The following ASIC2 variants were observed in gnomAD, a reference collection of about 807,000 sequenced individuals.
The protein encoded by ASIC2 is acid-sensing ion channel 2.
A neutral mutation model predicts 57.3 loss-of-function variants in ASIC2; 25 were observed. The observed-to-expected ratio is 0.44, with a 90% CI of 0.32 to 0.61. ASIC2 has a LOEUF of 0.61. ASIC2 is among the 20% of genes least tolerant of loss of function. The pLI is 0.06. For synonymous variants in ASIC2, 319 were observed against 307.5 expected (o/e 1.04, Z -0.39); for missense variants, 641 against 738.1 (o/e 0.87, Z 1.52).
At chr17:33,274,407 T>C (rs2142161064) in intron 1 of ASIC2, among the ~76,000 whole-genome samples, 1 of 152,332 alleles carries the variant, frequency 6.6e-6, no homozygotes, top group East Asian at 1.9e-4. Flanking sequence ...TCCTGTCTCC[T>C]AGCGTATAGT....
intron 3 of ASIC2, among the ~76,000 whole-genome samples, chr17:33,037,931 G>A (rs983346844): frequency 2.0e-5 from 3 of 152,204 alleles, no homozygotes; most frequent in African/African-American, 7.2e-5. Context: ...TGGGAAGAGA[G>A]AGAGATTCAA....
chr17:33,997,395 C>A (rs138491706), intron 1 of ASIC2, among the ~76,000 whole-genome samples: 3 of 143,756 alleles, frequency 2.1e-5, no homozygotes, highest in Non-Finnish European at 4.5e-5. Flanking sequence ...CTCAAGCGAT[C>A]GGCCAGCCTT....
intron 3 of ASIC2, among the ~76,000 whole-genome samples, chr17:33,054,689 A>G (rs372417179): frequency 5.1e-4 from 77 of 152,302 alleles, no homozygotes; most frequent in African/African-American, 1.7e-3. Context: ...TTCATTTATC[A>G]AGTAAACACA....
intron 1 of ASIC2, chr17:34,004,121 T>C (rs1906443472): frequency 6.6e-6 from 1 of 152,184 alleles, no homozygotes; most frequent in African/African-American, 2.4e-5. Flanking sequence ...TTGAGTACTT[T>C]ATCTCTTATC....
At chr17:33,130,897 G>A (rs1055078043) in intron 1 of ASIC2, among the ~76,000 whole-genome samples, 1 of 152,204 alleles carries the variant, frequency 6.6e-6, no homozygotes, top group Non-Finnish European at 1.5e-5. Context: ...AACACAGTCT[G>A]AGCCAGTGAC....
At chr17:33,347,311 G>A (rs777905404) in intron 1 of ASIC2, among the ~76,000 whole-genome samples, 15 of 152,202 alleles carry the variant, frequency 9.9e-5, no homozygotes, top group Non-Finnish European at 1.6e-4. Flanking sequence ...GATAAGGATC[G>A]TTGCTGTTGC....
intron 1 of ASIC2, among the ~76,000 whole-genome samples, chr17:33,854,792 G>T (rs1320589289): frequency 1.3e-5 from 2 of 152,068 alleles, no homozygotes; most frequent in South Asian, 4.1e-4. Context: ...GCTCCCATTT[G>T]TCATCTGCCC....
Position 33,474,656 on chromosome 17 carries a change from CT to C in ASIC2, c.556-362590del, listed in dbSNP as rs200606386. ...AGCCTGACTTTGCCCTTTCTTCCCT[CT>C]GACATTTTTGGGTGCTCCCTGTTGT... On this transcript the variant is annotated intron_variant, in intron 1 of 9. Transcript: ENST00000359872. 7.4e-3 allele frequency among the ~76,000 whole-genome samples: 1,127 copies of C among 152,304 alleles called. 9 individuals carry two copies. The highest frequency in any genetic ancestry group is 0.011 in the Non-Finnish European group (767 of 68,042).
intron 1 of ASIC2, among the ~76,000 whole-genome samples, chr17:33,525,218 C>T (rs980142417): frequency 2.6e-5 from 4 of 152,062 alleles, no homozygotes; most frequent in African/African-American, 9.7e-5. Context: ...GGCTAGACTG[C>T]GCAACACTTC....
At chr17:33,019,117 G>A (rs16578) in intron 7 of ASIC2, among the ~76,000 whole-genome samples, 32,850 of 152,024 alleles carry the variant, frequency 0.22, 4,205 homozygotes, top group East Asian at 0.4. Context: ...TAATGGATAT[G>A]TATGTCGGGG....
At chr17:33,312,853 T>C (rs1003648878) in intron 1 of ASIC2, among the ~76,000 whole-genome samples, 2 of 152,110 alleles carry the variant, frequency 1.3e-5, no homozygotes, top group Non-Finnish European at 2.9e-5. Flanking sequence ...GGAGAATCAC[T>C]TGAACCCAGG....
chr17:33,513,056 A>G (rs1417766911), intron 1 of ASIC2, among the ~76,000 whole-genome samples: 1 of 152,158 alleles, frequency 6.6e-6, no homozygotes, highest in African/African-American at 2.4e-5. Context: ...TCATTCTACA[A>G]AGTAACGGAA....
chr17:33,283,051 CA>C (rs1905021081), intron 1 of ASIC2, among the ~76,000 whole-genome samples: 1 of 152,238 alleles, frequency 6.6e-6, no homozygotes, highest in African/African-American at 2.4e-5. Context: ...GTTTGACTGA[CA>C]CCCCAGCTAG....
At chr17:33,799,402 CTT>C (rs11341947) in intron 1 of ASIC2, among the ~76,000 whole-genome samples, 11 of 60,784 alleles carry the variant, frequency 1.8e-4, no homozygotes, top group Admixed American at 1.1e-3. Context: ...TTCTTTCTTT[CTT>C]TTCTTTCTTT....
chr17:33,491,587 T>C (rs1463607716), intron 1 of ASIC2, among the ~76,000 whole-genome samples: 2 of 152,218 alleles, frequency 1.3e-5, no homozygotes, highest in African/African-American at 4.8e-5. Flanking sequence ...CATATGCAAT[T>C]ACTTTCATCG....
intron 1 of ASIC2, among the ~76,000 whole-genome samples, chr17:33,176,228 GAAAT>G (rs1905751715): frequency 6.6e-6 from 1 of 152,204 alleles, no homozygotes; most frequent in Admixed American, 6.5e-5. Context: ...AAGCTGCCTT[GAAAT>G]CTATTGCTTG....
intron 1 of ASIC2, among the ~76,000 whole-genome samples, chr17:33,960,408 T>TC (rs1904881838): frequency 6.6e-6 from 1 of 152,210 alleles, no homozygotes. Context: ...ATGGAAAGAA[T>TC]CCTGACTAAT....
At chr17:33,366,465 G>A (rs781001166) in intron 1 of ASIC2, among the ~76,000 whole-genome samples, 5 of 151,984 alleles carry the variant, frequency 3.3e-5, no homozygotes, top group Non-Finnish European at 7.4e-5. Context: ...CTCTTCTCTC[G>A]TCATATTCTC....
chr17:33,140,732 A>C (rs754714836), intron 1 of ASIC2, among the ~76,000 whole-genome samples: 2 of 152,246 alleles, frequency 1.3e-5, no homozygotes, highest in Admixed American at 6.5e-5. Context: ...CCAGAGCCCA[A>C]GCCTTGTCCT....
Sources: gnomAD v4.1 joint callset for allele counts (sites outside exome capture counted in the v4.1 genomes callset) on GRCh38, gnomAD v4.1.1 for gene constraint, MANE v1.5 for transcripts, NCBI Gene and HGNC (gene_info 2026-07-23, HGNC 2026-07-21) for gene names.